Variants in EPS15L1 observed in about 807,000 individuals in gnomAD.
EPS15L1 encodes the protein epidermal growth factor receptor substrate 15-like 1.
Under a neutral mutation model 117.1 loss-of-function variants are expected in EPS15L1, and 43 were observed. That is an observed-to-expected ratio of 0.37 (90% CI 0.29 to 0.47). The LOEUF (loss-of-function observed/expected upper bound fraction) is 0.47. Ranked by LOEUF, EPS15L1 falls within the 20% of genes least tolerant of loss-of-function variation. The pLI is 0.99. For missense variants in EPS15L1, 981 were observed against 1,164.0 expected (o/e 0.84, Z 2.29); for synonymous variants, 459 against 470.5 (o/e 0.98, Z 0.32).
chr19:16,356,267 TGCTCCAGAGA>T (rs1164291348), intron 23 of EPS15L1: 1 of 196,562 alleles, frequency 5.1e-6, no homozygotes, highest in Non-Finnish European at 1.0e-5. Flanking sequence ...CCTCCAGCCA[TGCTCCAGAGA>T]GCTCTGAGAC....
In EPS15L1 at chr19:16,356,004, C is replaced by T. The variant is rs538774106; in HGVS notation, c.2587-153G>A. Among the ~76,000 whole-genome samples, 9 of 152,346 alleles carry T rather than the reference C, an allele frequency of 5.9e-5. No homozygotes were observed. The South Asian group carries it at 1.2e-3, about 21-fold the overall frequency. ...GGGGATAAGCATGTCTTGGCTGGGC[C>T]CAGTGGGCGTGCGAGCCTGTCTCAG... is the stretch of plus-strand genomic sequence containing the variant. On this transcript the variant is annotated intron_variant, in intron 23 of 23. Transcript: ENST00000455140.
intron 1 of EPS15L1, among the ~76,000 whole-genome samples, chr19:16,466,734 C>A (rs1018095537): frequency 2.6e-5 from 4 of 152,028 alleles, no homozygotes; most frequent in African/African-American, 9.7e-5. Flanking sequence ...GAAACTCCAT[C>A]TCTACTAAAA....
intron 16 of EPS15L1, among the ~76,000 whole-genome samples, chr19:16,398,619 T>C (rs975818713): frequency 2.0e-5 from 3 of 152,190 alleles, no homozygotes; most frequent in African/African-American, 7.2e-5. Flanking sequence ...GAGTTAAGAA[T>C]GCCAGCTTGA....
intron 16 of EPS15L1, chr19:16,401,547 T>C (rs1019148558): frequency 9.1e-6 from 9 of 985,510 alleles, no homozygotes; most frequent in Non-Finnish European, 1.1e-5. Flanking sequence ...GCCCATCCGC[T>C]CCCGGAACAG....
chr19:16,430,897 A>G lies in EPS15L1; in HGVS notation c.499-2136T>C, dbSNP rs116964769. On this transcript the variant is annotated intron_variant, in intron 7 of 23. Coordinates refer to ENST00000455140, the MANE Select transcript of EPS15L1 (RefSeq NM_001258374.3). The stretch of plus-strand genomic sequence containing the variant: ...ATGTGCACACACAGATGAATGGATC[A>G]TAGGGATGCGGAGGGACATGGGTGC... 4.0e-4 allele frequency among the ~76,000 whole-genome samples: 61 copies of G among 152,352 alleles called. No individual in the cohort carries two copies. The East Asian group carries it at 0.011, about 28-fold the overall frequency.
chr19:16,395,272 T>C (rs1466184125), intron 17 of EPS15L1, 72 bp downstream of exon 17: 2 of 1,477,210 alleles, frequency 1.4e-6, no homozygotes, highest in Admixed American at 2.0e-5. Flanking sequence ...ACTTTTCTAG[T>C]TGAAGAACCA....
chr19:16,442,511 T>TTCAC (rs1412455923), intron 1 of EPS15L1, among the ~76,000 whole-genome samples: 1 of 152,190 alleles, frequency 6.6e-6, no homozygotes, highest in Non-Finnish European at 1.5e-5. Flanking sequence ...TCAATTTCCA[T>TTCAC]TCACTGAGCA....
Position 16,425,079 on chromosome 19 carries a change from G to A in EPS15L1, c.792+4C>T, listed in dbSNP as rs764051492. The A allele has an allele frequency of 3.6e-5, 58 of 1,612,538 alleles. 2 individuals are homozygous for A. The East Asian group carries it at 4.2e-4, about 12-fold the overall frequency. ...GGGGGCTGTGCCCGCTGAGGGCTCC[G>A]TACCTGTGTTTGCTTGAGGCTGTGC... On this transcript the variant is annotated splice_donor_region_variant and intron_variant, in intron 9 of 23. Coordinates refer to ENST00000455140, the MANE Select transcript of EPS15L1 (RefSeq NM_001258374.3).
At chr19:16,420,045 C>G (rs922331955) in intron 10 of EPS15L1, among the ~76,000 whole-genome samples, 1 of 152,216 alleles carries the variant, frequency 6.6e-6, no homozygotes, top group Non-Finnish European at 1.5e-5. Flanking sequence ...AGGGAAAAAG[C>G]CTCTGTCTTC....
At chr19:16,359,090 G>A (rs1017285302) in intron 23 of EPS15L1, among the ~76,000 whole-genome samples, 1 of 152,148 alleles carries the variant, frequency 6.6e-6, no homozygotes, top group African/African-American at 2.4e-5. Context: ...AGTGAGGTGC[G>A]GGTGACCTGG....
At chr19:16,414,699 T>C (rs181215855) in intron 12 of EPS15L1, among the ~76,000 whole-genome samples, 1 of 149,542 alleles carries the variant, frequency 6.7e-6, no homozygotes, top group East Asian at 2.0e-4. Flanking sequence ...ACGCCTGGCC[T>C]TTTTTTGGTT....
At chr19:16,433,573 C>T (rs927236297) in intron 7 of EPS15L1, among the ~76,000 whole-genome samples, 5 of 152,114 alleles carry the variant, frequency 3.3e-5, no homozygotes, top group African/African-American at 9.7e-5. Flanking sequence ...CTTGCAGTCC[C>T]AGTTACTCCA....
rs888216916 is a variant in EPS15L1 at position 16,376,759 on chromosome 19, G to A, written c.2380+363C>T. Among the ~76,000 whole-genome samples, 28 of 152,248 alleles carry A rather than the reference G, an allele frequency of 1.8e-4. 1 individual carries two copies. Among genetic ancestry groups the A allele is most frequent in the Non-Finnish European group, 3.5e-4 (24 of 68,040 alleles). On this transcript the variant is annotated intron_variant, in intron 22 of 23. Transcript: ENST00000455140. ...GGCCAGAGTGGCCACAGGGCTGCCGGCCATGAGTGGCTCCTGAAGTATAGC... is the reference window on the plus strand; with the variant it reads ...GGCCAGAGTGGCCACAGGGCTGCCGACCATGAGTGGCTCCTGAAGTATAGC...
intron 22 of EPS15L1, among the ~76,000 whole-genome samples, chr19:16,372,070 C>T (rs1328135000): frequency 6.6e-6 from 1 of 152,210 alleles, no homozygotes; most frequent in African/African-American, 2.4e-5. Flanking sequence ...AACTTAGTGC[C>T]CACACCAAAG....
At chr19:16,364,331 G>GGACA (rs781184423) in intron 22 of EPS15L1, among the ~76,000 whole-genome samples, 3 of 152,220 alleles carry the variant, frequency 2.0e-5, no homozygotes, top group Non-Finnish European at 4.4e-5. Context: ...CACGCGGGCA[G>GGACA]GACAGGAATG....
At chr19:16,362,289 A>G (rs982973658) in intron 22 of EPS15L1, among the ~76,000 whole-genome samples, 2 of 151,922 alleles carry the variant, frequency 1.3e-5, no homozygotes, top group African/African-American at 4.8e-5. Context: ...TTTCAAACAG[A>G]TTCATTTTAG....
chr19:16,406,428 C>A (rs930451747), intron 13 of EPS15L1, among the ~76,000 whole-genome samples: 1 of 152,164 alleles, frequency 6.6e-6, no homozygotes, highest in Admixed American at 6.5e-5. Flanking sequence ...TATTTAAACA[C>A]GTGGGAATGG....
chr19:16,375,872 C>G (rs909232638), intron 22 of EPS15L1, among the ~76,000 whole-genome samples: 1 of 152,126 alleles, frequency 6.6e-6, no homozygotes, highest in Non-Finnish European at 1.5e-5. Context: ...AGGAGAGAGG[C>G]GGTGTTCTAA....
Position 16,377,207 on chromosome 19 carries a change from G to T in EPS15L1, c.2295C>A (p.Phe765Leu), listed in dbSNP as rs1479126951. ...GTTTACTTTTAAAGGGGTCATCTGA[G>T]AATCCTGCCCCTCCCAAGGAGGAGG... ...PFTSSLGGAG[F>L]SDDPFKSKQD... The change falls in exon 22 of 24, where the codon TTC becomes TTA. Residue 765 changes from phenylalanine to leucine, a missense_variant. Phe to Leu is a conservative substitution (Grantham distance 22). Transcript: ENST00000455140. 1 of 1,612,870 alleles carries T rather than the reference G, an allele frequency of 6.2e-7. No individual in the cohort carries two copies. The highest frequency in any genetic ancestry group is 8.5e-7 in the Non-Finnish European group (1 of 1,179,492).
Sources: allele counts gnomAD v4.1 joint callset (sites outside exome capture counted in the v4.1 genomes callset), GRCh38; gene constraint gnomAD v4.1.1; transcripts MANE v1.5; gene names NCBI Gene and HGNC (gene_info 2026-07-23, HGNC 2026-07-21).